Variants in RRAS2 observed in about 807,000 individuals in gnomAD.
RRAS2 encodes the protein RAS related 2.
In RRAS2, 7 loss-of-function variants were observed where a neutral mutation model predicts 27.6. That is an observed-to-expected ratio of 0.25 (90% CI 0.14 to 0.48). The LOEUF (loss-of-function observed/expected upper bound fraction) is 0.48. RRAS2 is among the 20% of genes least tolerant of loss of function. The probability of loss-of-function intolerance (pLI) is 0.99; values close to 1 mark genes in which losing one functional copy is unlikely to be tolerated. For missense variants in RRAS2, 178 were observed against 256.2 expected (o/e 0.69, Z 2.08); for synonymous variants, 86 against 90.9 (o/e 0.95, Z 0.31).
Position 14,358,309 on chromosome 11 carries a change from G to C in RRAS2, c.108+454C>G. 1 of 985,500 alleles carries C rather than the reference G, an allele frequency of 1.0e-6. No individual in the cohort carries two copies. Among genetic ancestry groups the C allele is most frequent in the Non-Finnish European group, 1.2e-6 (1 of 829,982 alleles). 61.0% of individuals were successfully genotyped at this position (985,500 alleles called of 1,614,324 possible). ...GCGCGGGGAAGCCCGGAGACCACGC[G>C]GAGCCGCGGCCAAGTTGCCACCGCT... is the stretch of plus-strand genomic sequence containing the variant. On this transcript the variant is annotated intron_variant, in intron 1 of 5. Coordinates refer to ENST00000256196, the MANE Select transcript of RRAS2 (RefSeq NM_012250.6). The surrounding 1 kb of genome is among the most constrained non-coding windows in gnomAD (Gnocchi z 5.1).
chr11:14,356,392 C>T (rs1554955428), intron 1 of RRAS2, among the ~76,000 whole-genome samples: 5 of 152,194 alleles, frequency 3.3e-5, no homozygotes, highest in African/African-American at 9.7e-5. Flanking sequence ...GTCTGAATTC[C>T]CTTTGCATTT....
rs782306600 is a variant in RRAS2 at position 14,344,983 on chromosome 11, C to CTTTTTTTTTTTTTTTTTTTTTTT, written c.108+13779_108+13780insAAAAAAAAAAAAAAAAAAAAAAA. 5.1e-5 allele frequency among the ~76,000 whole-genome samples: 4 copies of CTTTTTTTTTTTTTTTTTTTTTTT among 78,982 alleles called. 2 individuals are homozygous for CTTTTTTTTTTTTTTTTTTTTTTT. The highest frequency in any genetic ancestry group is 4.8e-5 in the Non-Finnish European group (2 of 41,404). 51.8% of individuals were successfully genotyped at this position (78,982 alleles called of 152,430 possible). On this transcript the variant is annotated intron_variant, in intron 1 of 5. Transcript: ENST00000256196. ...TTTATTTCCTGTGCCCTACTCAAGA[C>CTTTTTTTTTTTTTTTTTTTTTTT]TTTATTTTTTTTTTTTTTTTTTTTG...
chr11:14,329,906 T>TAAATAA (rs1235088209), intron 1 of RRAS2, among the ~76,000 whole-genome samples: 9 of 151,948 alleles, frequency 5.9e-5, no homozygotes, highest in East Asian at 1.9e-4. Flanking sequence ...TTCATCTCTA[T>TAAATAA]AAATAAAAAT....
intron 1 of RRAS2, among the ~76,000 whole-genome samples, chr11:14,303,820 G>A (rs1305072215): frequency 6.6e-6 from 1 of 152,180 alleles, no homozygotes; most frequent in African/African-American, 2.4e-5. Flanking sequence ...AACTGAAGCA[G>A]TGGGAAAAGC....
intron 1 of RRAS2, among the ~76,000 whole-genome samples, chr11:14,316,802 A>G (rs1483125976): frequency 6.6e-6 from 1 of 152,224 alleles, no homozygotes; most frequent in Admixed American, 6.5e-5. Flanking sequence ...TTATTAAGAT[A>G]TCCCGAAAAT....
upstream of RRAS2, among the ~76,000 whole-genome samples, chr11:14,362,186 G>A (rs555757697): frequency 2.6e-4 from 39 of 152,088 alleles, no homozygotes; most frequent in Non-Finnish European, 4.7e-4. Flanking sequence ...TAAAAACATT[G>A]GATTGTATGC....
chr11:14,313,927 T>C (rs781965527), intron 1 of RRAS2, among the ~76,000 whole-genome samples: 1 of 152,226 alleles, frequency 6.6e-6, no homozygotes, highest in South Asian at 2.1e-4. Context: ...TTGTTTACAA[T>C]GCAGTAAGTC....
chr11:14,281,734 A>G lies in RRAS2; in HGVS notation c.409-14T>C. 1 of 1,577,342 alleles carries G rather than the reference A, an allele frequency of 6.3e-7. No homozygotes were observed. Among genetic ancestry groups the G allele is most frequent in the Non-Finnish European group, 8.7e-7 (1 of 1,155,836 alleles). On this transcript the variant is annotated splice_polypyrimidine_tract_variant and intron_variant, in intron 4 of 5. Transcript: ENST00000256196. ...TTCCTGTGTTACCTGAAATTCCAACAGTTATGTTTATGGTACATTATTAAC... is the reference window on the plus strand; with the variant it reads ...TTCCTGTGTTACCTGAAATTCCAACGGTTATGTTTATGGTACATTATTAAC...
chr11:14,288,413 G>T (rs1849720548), intron 4 of RRAS2, among the ~76,000 whole-genome samples: 1 of 152,160 alleles, frequency 6.6e-6, no homozygotes, highest in African/African-American at 2.4e-5. Context: ...TTTTAACTAA[G>T]TAGAAATAGC....
intron 1 of RRAS2, among the ~76,000 whole-genome samples, chr11:14,305,096 G>A (rs1554947919): frequency 1.3e-5 from 2 of 152,158 alleles, no homozygotes; most frequent in Admixed American, 6.5e-5. Context: ...GGTCTTCAGT[G>A]TTGCCAGTTG....
intron 4 of RRAS2, among the ~76,000 whole-genome samples, chr11:14,289,363 G>C (rs144208385): frequency 4.5e-4 from 68 of 152,324 alleles, no homozygotes; most frequent in African/African-American, 1.5e-3. Context: ...TTGATCTCTA[G>C]ACAGGGCTGA....
At position 14,278,490 on chromosome 11, in the gene RRAS2, T is replaced by C. The variant is rs1271587323; in HGVS notation, c.*847A>G. The C allele has an allele frequency of 1.3e-5, 2 of 152,214 alleles. No homozygotes were observed. Among genetic ancestry groups the C allele is most frequent in the Admixed American group, 6.5e-5 (1 of 15,280 alleles). The allele number at this position is 152,214 out of a possible 1,614,324, so 9.4% of individuals were successfully genotyped here. ...TGTATAAAAGTATATAGCAAAAACA[T>C]TAATCATCTCTGACCCTGGAAAGAT... On this transcript the variant is annotated 3_prime_UTR_variant, in exon 6 of 6. Transcript: ENST00000256196.
intron 4 of RRAS2, among the ~76,000 whole-genome samples, chr11:14,283,355 G>A (rs1171271339): frequency 6.6e-6 from 1 of 152,098 alleles, no homozygotes; most frequent in Non-Finnish European, 1.5e-5. Flanking sequence ...GTTCATGAGA[G>A]ATATTGGACT....
intron 1 of RRAS2, among the ~76,000 whole-genome samples, chr11:14,324,364 AACTC>A (rs1554950716): frequency 6.6e-6 from 1 of 151,904 alleles, no homozygotes; most frequent in African/African-American, 2.4e-5. Context: ...ATGCAGGACT[AACTC>A]TAGTAAAAAT....
At chr11:14,311,287 T>G (rs1847958997) in intron 1 of RRAS2, among the ~76,000 whole-genome samples, 1 of 152,142 alleles carries the variant, frequency 6.6e-6, no homozygotes, top group African/African-American at 2.4e-5. Context: ...CAGGCTACAG[T>G]GAGCTATCAT....
intron 1 of RRAS2, among the ~76,000 whole-genome samples, chr11:14,334,018 G>A (rs12795545): frequency 0.3 from 45,127 of 152,050 alleles, 7,651 homozygotes; most frequent in South Asian, 0.43. Flanking sequence ...CTTCATTATT[G>A]ACCACATAGG....
rs371711455 is a variant in RRAS2, at chr11:14,342,640, G to A, written c.108+16123C>T. Among the ~76,000 whole-genome samples the A allele has an allele frequency of 3.9e-5, 6 of 152,186 alleles. No individual in the cohort carries two copies. The East Asian group carries it at 1.2e-3, about 29-fold the overall frequency. The stretch of plus-strand genomic sequence containing the variant: ...CAATACAGGTTCTATACAAGCTATA[G>A]AACATGATATTATACCTTTTCATTT... On this transcript the variant is annotated intron_variant, in intron 1 of 5. Coordinates refer to ENST00000256196, the MANE Select transcript of RRAS2 (RefSeq NM_012250.6).
chr11:14,311,210 T>G (rs1450434560), intron 1 of RRAS2, among the ~76,000 whole-genome samples: 4 of 152,028 alleles, frequency 2.6e-5, no homozygotes, highest in Non-Finnish European at 4.4e-5. Flanking sequence ...CCCGGTGTGG[T>G]GGGGTACACC....
At chr11:14,282,119 G>A (rs1460628895) in intron 4 of RRAS2, among the ~76,000 whole-genome samples, 1 of 152,154 alleles carries the variant, frequency 6.6e-6, no homozygotes, top group Non-Finnish European at 1.5e-5. Context: ...GTGGAGGGTG[G>A]GGGTGTGAAG....
Sources: gnomAD v4.1 joint callset for allele counts (sites outside exome capture counted in the v4.1 genomes callset) on GRCh38, gnomAD v4.1.1 for gene constraint, Gnocchi (gnomAD v3.1) non-coding constraint, MANE v1.5 for transcripts, NCBI Gene and HGNC (gene_info 2026-07-23, HGNC 2026-07-21) for gene names.